KCTD20: variants seen among roughly 807,000 people sequenced by gnomAD.
KCTD20 encodes the protein BTB/POZ domain-containing protein KCTD20.
KCTD20 carries 30 observed loss-of-function variants against 39.6 expected under a neutral mutation model. That is an observed-to-expected ratio of 0.76 (90% CI 0.57 to 1.03). The LOEUF (loss-of-function observed/expected upper bound fraction) is 1.03. Ranked by LOEUF, KCTD20 falls within the 50% of genes least tolerant of loss-of-function variation. The pLI is 0.00. For missense variants in KCTD20, 422 were observed against 522.0 expected, an observed-to-expected ratio of 0.81 and a Z score of 1.87; for synonymous variants, 162 against 180.6, an observed-to-expected ratio of 0.90 and a Z score of 0.83.
At chr6:36,461,090 G>C (rs758919371) in intron 1 of KCTD20, among the ~76,000 whole-genome samples, 2 of 152,098 alleles carry the variant, frequency 1.3e-5, no homozygotes, top group African/African-American at 2.4e-5. Context: ...TCTGGACTTA[G>C]GATGTAATGT....
chr6:36,484,284 A>G (rs1418308792), intron 6 of KCTD20, among the ~76,000 whole-genome samples: 2 of 152,058 alleles, frequency 1.3e-5, no homozygotes, highest in African/African-American at 2.4e-5. Context: ...TTTTGTTAAT[A>G]GTGTTTGTGC....
chr6:36,483,883 A>C (rs1415016499), intron 6 of KCTD20, among the ~76,000 whole-genome samples: 1 of 151,962 alleles, frequency 6.6e-6, no homozygotes, highest in East Asian at 1.9e-4. Flanking sequence ...AAAACGGCAG[A>C]ATCTCATGAT....
intron 3 of KCTD20, among the ~76,000 whole-genome samples, chr6:36,476,611 G>A (rs1436528157): frequency 6.6e-6 from 1 of 151,890 alleles, no homozygotes; most frequent in African/African-American, 2.4e-5. Flanking sequence ...TGTATTTTTA[G>A]TAGAGATGGG....
chr6:36,444,460 C>T (rs1486741757), intron 1 of KCTD20, among the ~76,000 whole-genome samples: 2 of 152,056 alleles, frequency 1.3e-5, no homozygotes, highest in African/African-American at 4.8e-5. Flanking sequence ...TAGAGATAGC[C>T]CATTAATCTT....
chr6:36,471,167 AT>A (rs1424063224), intron 2 of KCTD20, among the ~76,000 whole-genome samples: 1 of 147,662 alleles, frequency 6.8e-6, no homozygotes, highest in African/African-American at 2.5e-5. Context: ...AAAAAAAAAA[AT>A]TCTCCCTACC....
At chr6:36,470,785 A>G (rs1028977688) in intron 2 of KCTD20, among the ~76,000 whole-genome samples, 3 of 152,108 alleles carry the variant, frequency 2.0e-5, no homozygotes, top group Non-Finnish European at 4.4e-5. Context: ...TATTTTTGGT[A>G]GAGACAGGGT....
At chr6:36,461,970 T>C (rs563771316) in intron 1 of KCTD20, among the ~76,000 whole-genome samples, 113 of 152,330 alleles carry the variant, frequency 7.4e-4, no homozygotes, top group African/African-American at 2.3e-3. Context: ...TATGATTTTC[T>C]TCCAAGTAGA....
chr6:36,457,767 A>G (rs1214930026), intron 1 of KCTD20, among the ~76,000 whole-genome samples: 1 of 152,196 alleles, frequency 6.6e-6, no homozygotes, highest in Non-Finnish European at 1.5e-5. Flanking sequence ...AGGGAAATTT[A>G]TGGTACTTGT....
chr6:36,471,334 C>G (rs752720590), intron 2 of KCTD20, among the ~76,000 whole-genome samples: 9 of 152,126 alleles, frequency 5.9e-5, no homozygotes, highest in Non-Finnish European at 1.0e-4. Context: ...TTCTTTAGAT[C>G]AGGGGTGGCA....
At chr6:36,477,059 TTATCTG>T (rs1404336219) in intron 3 of KCTD20, among the ~76,000 whole-genome samples, 1 of 152,222 alleles carries the variant, frequency 6.6e-6, no homozygotes, top group East Asian at 1.9e-4. Context: ...GTCTGGTTCT[TTATCTG>T]TATGGTTCAT....
chr6:36,444,495 A>C (rs1415025784), intron 1 of KCTD20, among the ~76,000 whole-genome samples: 2 of 152,114 alleles, frequency 1.3e-5, no homozygotes, highest in African/African-American at 2.4e-5. Flanking sequence ...TGCTTCTAGT[A>C]TCATCAGAGC....
rs769553948 is a variant in KCTD20 at position 36,470,244 on chromosome 6, T to C, written c.147T>C (p.Gly49=). Residue 49 remains glycine, a synonymous_variant, in exon 2 of 8, where the codon GGT becomes GGC. Transcript: ENST00000373731. ...SGPHNLTYPL[G]PRNEDLSLDY... is the part of the protein sequence containing the mutation. ...CTCATAATCTTACTTATCCTCTAGG[T>C]CCCAGGAATGAAGGTACAGTGATTA... is the stretch of plus-strand genomic sequence containing the variant. The C allele has an allele frequency of 3.7e-6, 6 of 1,611,682 alleles. No homozygotes were observed. The highest frequency in any genetic ancestry group is 5.1e-6 in the Non-Finnish European group (6 of 1,178,598).
intron 2 of KCTD20, among the ~76,000 whole-genome samples, chr6:36,473,548 G>A (rs184985733): frequency 5.4e-4 from 82 of 151,992 alleles, no homozygotes; most frequent in Non-Finnish European, 9.9e-4. Context: ...CAAGGCGGGC[G>A]GATCACGAGA....
At chr6:36,458,308 G>A (rs1247410400) in intron 1 of KCTD20, among the ~76,000 whole-genome samples, 3 of 151,892 alleles carry the variant, frequency 2.0e-5, no homozygotes, top group Non-Finnish European at 4.4e-5. Context: ...GGAGGCCGAG[G>A]TGGGCGGATC....
At chr6:36,459,904 T>A (rs1258919345) in intron 1 of KCTD20, among the ~76,000 whole-genome samples, 1 of 152,248 alleles carries the variant, frequency 6.6e-6, no homozygotes, top group African/African-American at 2.4e-5. Flanking sequence ...AATAGTCAAC[T>A]GTATTTACTA....
chr6:36,475,585 A>G (rs1776039594), intron 3 of KCTD20, among the ~76,000 whole-genome samples: 1 of 152,214 alleles, frequency 6.6e-6, no homozygotes, highest in Non-Finnish European at 1.5e-5. Flanking sequence ...GTATAGTAAA[A>G]TGAGCCCCAC....
chr6:36,483,899 T>A (rs941745292), intron 6 of KCTD20, among the ~76,000 whole-genome samples: 2 of 151,850 alleles, frequency 1.3e-5, no homozygotes, highest in Non-Finnish European at 2.9e-5. Flanking sequence ...ATGATTGGCA[T>A]GAGTTTTAAT....
At chr6:36,471,527 A>AACTATTAT (rs1775910176) in intron 2 of KCTD20, among the ~76,000 whole-genome samples, 2 of 152,188 alleles carry the variant, frequency 1.3e-5, no homozygotes, top group South Asian at 4.1e-4. Context: ...TAGTCCTTAC[A>AACTATTAT]ACTATTATCC....
rs941821225 is a variant in KCTD20 at position 36,474,886 on chromosome 6, G to A, written c.258G>A (p.Gly86=). The A allele has an allele frequency of 6.2e-7, 1 of 1,614,010 alleles. No homozygotes were observed. Among genetic ancestry groups the A allele is most frequent in the African/African-American group, 1.3e-5 (1 of 74,902 alleles). ...TCAAAGGTTCTTGCTTCCAAAGTGGGAATAAACGGAACCATGAACCTTTTA... is the reference window on the plus strand; with the variant it reads ...TCAAAGGTTCTTGCTTCCAAAGTGGAAATAAACGGAACCATGAACCTTTTA... ...EDIKGSCFQS[G]NKRNHEPFIA... is the part of the protein sequence containing the mutation. The change falls in exon 3 of 8, where the codon GGG becomes GGA. Residue 86 remains glycine, a synonymous_variant. Coordinates refer to ENST00000373731, the MANE Select transcript of KCTD20 (RefSeq NM_173562.5).
Sources: allele counts gnomAD v4.1 joint callset (sites outside exome capture counted in the v4.1 genomes callset), GRCh38; gene constraint gnomAD v4.1.1; transcripts MANE v1.5; gene names NCBI Gene and HGNC (gene_info 2026-07-23, HGNC 2026-07-21).